The following EPS15 variants were observed in gnomAD, a reference collection of about 807,000 sequenced individuals.
EPS15 encodes epidermal growth factor receptor substrate 15.
EPS15 carries 72 observed loss-of-function variants against 113.8 expected under a neutral mutation model. The observed-to-expected ratio is 0.63, with a 90% CI of 0.52 to 0.77. EPS15 has a LOEUF of 0.77. Among genes scored for constraint, EPS15 ranks in the 30% least tolerant of loss-of-function variants. The pLI, the probability that EPS15 is intolerant of heterozygous loss-of-function variation, is 0.00. For synonymous variants in EPS15, 344 were observed against 363.4 expected (o/e 0.95, Z 0.61); for missense variants, 1,048 against 1,045.8 (o/e 1.00, Z -0.03).
At chr1:51,373,014 C>G (rs1413074739) in intron 21 of EPS15, 2 of 249,014 alleles carry the variant, frequency 8.0e-6, no homozygotes, top group Non-Finnish European at 1.6e-5. Flanking sequence ...TGAAGATCAA[C>G]GACCAAATGG....
chr1:51,484,043 C>G (rs1404473015), intron 1 of EPS15, among the ~76,000 whole-genome samples: 1 of 151,222 alleles, frequency 6.6e-6, no homozygotes, highest in Non-Finnish European at 1.5e-5. Flanking sequence ...CCACGGAGGT[C>G]AAAGCTACAG....
At chr1:51,358,137 C>T (rs1186076957) in intron 24 of EPS15, among the ~76,000 whole-genome samples, 6 of 152,152 alleles carry the variant, frequency 3.9e-5, no homozygotes, top group Non-Finnish European at 7.4e-5. Context: ...TGGCAAAACT[C>T]TGTTTTTACA....
rs373380179 is a variant in EPS15, at chr1:51,358,505, ACT to A, written c.2545-1661_2545-1660del. On this transcript the variant is annotated intron_variant, in intron 24 of 24. Transcript: ENST00000371733. The stretch of plus-strand genomic sequence containing the variant: ...TTCATGAAAGGATGAAATAAAATAC[ACT>A]GTCAGGCTTTTGAAATGGTAGTTTT... Among the ~76,000 whole-genome samples the A allele has an allele frequency of 7.7e-4, 117 of 152,238 alleles. No homozygotes were observed. In the East Asian group the frequency reaches 0.016, roughly 21 times the overall value.
chr1:51,379,073 G>T (rs907007118), intron 21 of EPS15, among the ~76,000 whole-genome samples: 1 of 152,196 alleles, frequency 6.6e-6, no homozygotes, highest in Non-Finnish European at 1.5e-5. Context: ...ATAGCACTGT[G>T]AAAGTAGTGA....
intron 9 of EPS15, 127 bp downstream of exon 9, chr1:51,447,919 A>G (rs1377879361): frequency 1.5e-6 from 2 of 1,376,880 alleles, no homozygotes; most frequent in African/African-American, 1.4e-5. Flanking sequence ...ATCCTTTAAC[A>G]CTGATAAATC....
intron 1 of EPS15, among the ~76,000 whole-genome samples, chr1:51,501,913 T>C (rs1230162998): frequency 6.6e-6 from 1 of 152,154 alleles, no homozygotes; most frequent in Non-Finnish European, 1.5e-5. Context: ...CAGGTGCTGA[T>C]AGTATAAGGA....
chr1:51,409,120 CAT>C (rs1649439459), intron 14 of EPS15, among the ~76,000 whole-genome samples: 1 of 151,964 alleles, frequency 6.6e-6, no homozygotes. Flanking sequence ...GGGATTTCTC[CAT>C]GTTTCCCAGG....
chr1:51,399,549 A>G (rs543992647), intron 19 of EPS15, among the ~76,000 whole-genome samples: 42 of 149,922 alleles, frequency 2.8e-4, no homozygotes, highest in African/African-American at 1.0e-3. Flanking sequence ...ACCCTGTCTC[A>G]AAAACAAACA....
intron 1 of EPS15, among the ~76,000 whole-genome samples, chr1:51,509,797 A>C (rs555516900): frequency 6.6e-6 from 1 of 152,356 alleles, no homozygotes; most frequent in South Asian, 2.1e-4. Flanking sequence ...TGGTGTATGC[A>C]ATGATAAGTT....
chr1:51,428,310 G>T (rs915724326), intron 12 of EPS15, among the ~76,000 whole-genome samples: 1 of 152,080 alleles, frequency 6.6e-6, no homozygotes, highest in Non-Finnish European at 1.5e-5. Context: ...AAGATAAAAA[G>T]ATCTCCAGTA....
intron 21 of EPS15, among the ~76,000 whole-genome samples, chr1:51,386,038 T>C (rs1647061139): frequency 6.6e-6 from 1 of 152,210 alleles, no homozygotes; most frequent in Non-Finnish European, 1.5e-5. Context: ...CCAAACTTTA[T>C]GTTATGTATA....
chr1:51,440,297 GTGTGTGTGTGTGTGTGTA>G, intron 12 of EPS15, 32 bp downstream of exon 12: 4 of 689,468 alleles, frequency 5.8e-6, no homozygotes, highest in Middle Eastern at 3.1e-4. Flanking sequence ...GTGTGTGTGT[GTGTGTGTGTGTGTGTGTA>G]TGTGAGTAGG....
At chr1:51,396,135 T>A (rs1647917951) in intron 20 of EPS15, among the ~76,000 whole-genome samples, 1 of 152,014 alleles carries the variant, frequency 6.6e-6, no homozygotes, top group Non-Finnish European at 1.5e-5. Flanking sequence ...CCAATTATAC[T>A]ATTATACAAC....
At chr1:51,517,579 C>A (rs949820430) in intron 1 of EPS15, among the ~76,000 whole-genome samples, 3 of 152,194 alleles carry the variant, frequency 2.0e-5, no homozygotes, top group Non-Finnish European at 2.9e-5. Context: ...CAACAGCCTG[C>A]CAACAGGGAT....
chr1:51,489,774 T>C (rs1193557910), intron 1 of EPS15, among the ~76,000 whole-genome samples: 1 of 152,050 alleles, frequency 6.6e-6, no homozygotes, highest in Non-Finnish European at 1.5e-5. Flanking sequence ...AAAGTTCCAG[T>C]TCCAAGTAGA....
At chr1:51,447,433 C>T (rs1046162633) in intron 9 of EPS15, among the ~76,000 whole-genome samples, 4 of 152,074 alleles carry the variant, frequency 2.6e-5, no homozygotes, top group African/African-American at 9.7e-5. Context: ...ACAAAATACT[C>T]AGATAATTCT....
intron 2 of EPS15, among the ~76,000 whole-genome samples, chr1:51,477,944 G>A (rs1004804563): frequency 6.6e-6 from 1 of 152,194 alleles, no homozygotes; most frequent in Non-Finnish European, 1.5e-5. Flanking sequence ...ATTTGGGGTG[G>A]AGAGTTCTGT....
chr1:51,516,622 A>G (rs759407864), intron 1 of EPS15, among the ~76,000 whole-genome samples: 4 of 152,164 alleles, frequency 2.6e-5, no homozygotes, highest in Non-Finnish European at 4.4e-5. Flanking sequence ...AAGCTAAAAC[A>G]TTTTTCACAT....
intron 8 of EPS15, 139 bp from the exon 9 acceptor site, chr1:51,448,274 G>A (rs988037331): frequency 4.2e-5 from 19 of 453,512 alleles, no homozygotes; most frequent in Non-Finnish European, 5.5e-5. Context: ...GGAAAGAAGA[G>A]GAAAATGAGG....
Sources: allele counts gnomAD v4.1 joint callset (sites outside exome capture counted in the v4.1 genomes callset), GRCh38; gene constraint gnomAD v4.1.1; transcripts MANE v1.5; gene names NCBI Gene and HGNC (gene_info 2026-07-23, HGNC 2026-07-21).